Variants in LEF1 observed in about 807,000 individuals in gnomAD.
The protein encoded by LEF1 is lymphoid enhancer binding factor 1.
LEF1 carries 14 observed loss-of-function variants against 51.2 expected under a neutral mutation model. That is an observed-to-expected ratio of 0.27 (90% CI 0.18 to 0.43). The LOEUF is 0.43. Among genes scored for constraint, LEF1 ranks in the 20% least tolerant of loss-of-function variants. The pLI, the probability that LEF1 is intolerant of heterozygous loss-of-function variation, is 1.00. For synonymous variants in LEF1, 185 were observed against 183.2 expected, an observed-to-expected ratio of 1.01 and a Z score of -0.08; for missense variants, 386 against 512.0, an observed-to-expected ratio of 0.75 and a Z score of 2.37.
intron 3 of LEF1, among the ~76,000 whole-genome samples, chr4:108,121,511 C>T (rs987564124): frequency 3.3e-5 from 5 of 152,178 alleles, no homozygotes; most frequent in Non-Finnish European, 5.9e-5. Flanking sequence ...GATACCAATG[C>T]ACAAGCCAAT....
At chr4:108,083,313 A>G (rs1739434482) in intron 5 of LEF1, 43 bp downstream of exon 5, 1 of 1,256,374 alleles carries the variant, frequency 8.0e-7, no homozygotes, top group Non-Finnish European at 1.2e-6. Context: ...GTGGAGGAAC[A>G]TGTGTTCAAA....
At chr4:108,054,632 C>G (rs1737207257) in intron 11 of LEF1, among the ~76,000 whole-genome samples, 1 of 152,164 alleles carries the variant, frequency 6.6e-6, no homozygotes, top group East Asian at 1.9e-4. Context: ...GGGCAGCAAG[C>G]AAGATTCATA....
chr4:108,087,108 AAG>A (rs1452265382), intron 4 of LEF1, among the ~76,000 whole-genome samples: 1 of 152,136 alleles, frequency 6.6e-6, no homozygotes, highest in Non-Finnish European at 1.5e-5. Flanking sequence ...AGGAGAGAAA[AAG>A]AATTAAAAGG....
rs774894331 is a variant in LEF1 at position 108,078,366 on chromosome 4, G to C, written c.862C>G (p.Gln288Glu). ...DLMHVKPQHEQRKEQEPKRPH... is the reference protein window; with the variant it reads ...DLMHVKPQHEERKEQEPKRPH... ...CTTTTTGGCTCCTGCTCCTTTCTCT[G>C]TTCATGCTGAGGCTTCCTAAAAGGT... is the stretch of plus-strand genomic sequence containing the variant. Residue 288 changes from glutamine to glutamate, a missense_variant, in exon 8 of 12, where the codon CAG (glutamine) becomes GAG (glutamate). Transcript: ENST00000265165. The C allele has an allele frequency of 6.2e-7, 1 of 1,614,078 alleles. No homozygotes were observed. The highest frequency in any genetic ancestry group is 1.1e-5 in the South Asian group (1 of 91,072).
chr4:108,124,242 AC>A (rs1182185528), intron 3 of LEF1, among the ~76,000 whole-genome samples: 2 of 152,180 alleles, frequency 1.3e-5, no homozygotes, highest in South Asian at 2.1e-4. Flanking sequence ...GTTAGATGAA[AC>A]CCACAAAGCC....
chr4:108,147,194 A>G (rs924204409), intron 3 of LEF1, among the ~76,000 whole-genome samples: 1 of 152,144 alleles, frequency 6.6e-6, no homozygotes, highest in African/African-American at 2.4e-5. Context: ...ATGGCTAGTC[A>G]ATGACTTGCC....
chr4:108,157,205 C>CACACACACAA (rs1744783746), intron 3 of LEF1, among the ~76,000 whole-genome samples: 1 of 150,842 alleles, frequency 6.6e-6, no homozygotes, highest in African/African-American at 2.5e-5. Context: ...CACACACACA[C>CACACACACAA]ACACACACAC....
At chr4:108,125,549 C>T (rs1742473811) in intron 3 of LEF1, among the ~76,000 whole-genome samples, 1 of 152,094 alleles carries the variant, frequency 6.6e-6, no homozygotes, top group Non-Finnish European at 1.5e-5. Flanking sequence ...TCCACTATTA[C>T]AGGTAAAATA....
chr4:108,063,506 G>A (rs1737839695), intron 11 of LEF1, 117 bp downstream of exon 11: 1 of 790,874 alleles, frequency 1.3e-6, no homozygotes, highest in Non-Finnish European at 2.1e-6. Flanking sequence ...ATTTTGCTGA[G>A]TTCTCCTCTT....
intron 3 of LEF1, among the ~76,000 whole-genome samples, chr4:108,124,917 C>A (rs1742426477): frequency 6.6e-6 from 1 of 152,130 alleles, no homozygotes; most frequent in Non-Finnish European, 1.5e-5. Context: ...TTGGATGGGG[C>A]ATAGCTGTTA....
At chr4:108,051,234 A>G (rs1736969219) in intron 11 of LEF1, among the ~76,000 whole-genome samples, 1 of 152,094 alleles carries the variant, frequency 6.6e-6, no homozygotes, top group African/African-American at 2.4e-5. Flanking sequence ...CCAAAAAGCA[A>G]CTAATCCCTT....
At chr4:108,126,608 G>C (rs1386891232) in intron 3 of LEF1, among the ~76,000 whole-genome samples, 2 of 151,884 alleles carry the variant, frequency 1.3e-5, no homozygotes, top group Non-Finnish European at 2.9e-5. Flanking sequence ...TTCGAGACCA[G>C]CCTGGCCAAC....
At chr4:108,131,364 G>A (rs546602365) in intron 3 of LEF1, among the ~76,000 whole-genome samples, 39 of 149,766 alleles carry the variant, frequency 2.6e-4, no homozygotes, top group Admixed American at 1.3e-4. Context: ...GCCTGGGTGA[G>A]GTGACAGAGC....
At chr4:108,165,326 CCTTTT>C in intron 1 of LEF1, 163 bp from the exon 2 acceptor site, 1 of 564,372 alleles carries the variant, frequency 1.8e-6, no homozygotes. Flanking sequence ...ACTGCATAAT[CCTTTT>C]CTTGTCAACA....
intron 3 of LEF1, among the ~76,000 whole-genome samples, chr4:108,105,518 C>T (rs1449693089): frequency 1.3e-5 from 2 of 152,150 alleles, no homozygotes; most frequent in African/African-American, 4.8e-5. Flanking sequence ...AAGAAGACTA[C>T]TAGGGTTCTA....
At chr4:108,049,025 C>G (rs1265837713) in intron 11 of LEF1, among the ~76,000 whole-genome samples, 1 of 151,396 alleles carries the variant, frequency 6.6e-6, no homozygotes, top group African/African-American at 2.4e-5. Context: ...TCATGGTAAA[C>G]AGAACAAAAA....
At chr4:108,162,932 G>A (rs988324108) in intron 3 of LEF1, among the ~76,000 whole-genome samples, 1 of 151,968 alleles carries the variant, frequency 6.6e-6, no homozygotes, top group Non-Finnish European at 1.5e-5. Context: ...TTTGCATAAT[G>A]CAGTTATAAT....
chr4:108,054,824 T>C (rs985407534), intron 11 of LEF1, among the ~76,000 whole-genome samples: 1 of 152,228 alleles, frequency 6.6e-6, no homozygotes, highest in African/African-American at 2.4e-5. Context: ...AAATTTAGTG[T>C]AGAGATTGAT....
At chr4:108,118,525 C>T (rs926644062) in intron 3 of LEF1, among the ~76,000 whole-genome samples, 2 of 152,232 alleles carry the variant, frequency 1.3e-5, no homozygotes, top group African/African-American at 2.4e-5. Flanking sequence ...AAAGACATTA[C>T]TTCTAAATAT....
Sources: gnomAD v4.1 joint callset for allele counts (sites outside exome capture counted in the v4.1 genomes callset) on GRCh38, gnomAD v4.1.1 for gene constraint, MANE v1.5 for transcripts, NCBI Gene and HGNC (gene_info 2026-07-23, HGNC 2026-07-21) for gene names.